Variants in BRINP3 observed in about 807,000 individuals in gnomAD.
The protein encoded by BRINP3 is BMP/retinoic acid-inducible neural-specific protein 3.
A neutral mutation model predicts 71.0 loss-of-function variants in BRINP3; 19 were observed. The ratio of observed to expected loss-of-function variants is 0.27; its 90% CI spans 0.19 to 0.39. The LOEUF is 0.39. BRINP3 is among the 10% of genes least tolerant of loss of function. The probability of loss-of-function intolerance (pLI) is 1.00; values close to 1 mark genes in which losing one functional copy is unlikely to be tolerated. For missense variants in BRINP3, 959 were observed against 940.8 expected (o/e 1.02, Z -0.25); for synonymous variants, 380 against 337.7 (o/e 1.13, Z -1.37).
Position 190,346,613 on chromosome 1 carries a change from T to C in BRINP3, c.237-64863A>G, listed in dbSNP as rs545344014. 3.9e-5 allele frequency among the ~76,000 whole-genome samples: 6 copies of C among 152,224 alleles called. No individual in the cohort carries two copies. In the South Asian group the frequency reaches 1.2e-3, roughly 32 times the overall value. ...ATCTGAGAAATCTAGCTAATCTCAC[T>C]TAATCTAGATCATTTTTTAATACAA... On this transcript the variant is annotated intron_variant, in intron 2 of 7. Coordinates refer to ENST00000367462, the MANE Select transcript of BRINP3 (RefSeq NM_199051.3).
intron 7 of BRINP3, among the ~76,000 whole-genome samples, chr1:190,120,106 A>C (rs1371909220): frequency 1.3e-5 from 2 of 148,756 alleles, no homozygotes; most frequent in African/African-American, 4.9e-5. Context: ...ACTACTTTCT[A>C]TGGGCATTCT....
At chr1:190,278,260 A>C (rs983825463) in intron 3 of BRINP3, among the ~76,000 whole-genome samples, 1 of 151,706 alleles carries the variant, frequency 6.6e-6, no homozygotes, top group Non-Finnish European at 1.5e-5. Flanking sequence ...GCTTTTTGTT[A>C]AAAAGGTTTG....
intron 6 of BRINP3, among the ~76,000 whole-genome samples, chr1:190,211,871 C>T (rs2102652392): frequency 6.6e-6 from 1 of 152,172 alleles, no homozygotes; most frequent in African/African-American, 2.4e-5. Context: ...ATATTTTAAA[C>T]ACTGGTACAG....
intron 1 of BRINP3, among the ~76,000 whole-genome samples, chr1:190,457,033 A>G (rs902898547): frequency 1.3e-4 from 20 of 152,200 alleles, no homozygotes; most frequent in African/African-American, 4.8e-4. Flanking sequence ...TGAAAATGAA[A>G]TCAGATTTTC....
chr1:190,227,624 A>G, intron 5 of BRINP3, among the ~76,000 whole-genome samples: 1 of 151,928 alleles, frequency 6.6e-6, no homozygotes, highest in East Asian at 1.9e-4. Flanking sequence ...AAAAGTAAAA[A>G]AACTTTTTAT....
At chr1:190,324,237 C>T (rs183818958) in intron 2 of BRINP3, among the ~76,000 whole-genome samples, 2 of 151,554 alleles carry the variant, frequency 1.3e-5, no homozygotes, top group Non-Finnish European at 3.0e-5. Context: ...TGTCTCGGAA[C>T]ACGAAAGCTC....
At chr1:190,153,437 C>T (rs1656593359) in intron 7 of BRINP3, among the ~76,000 whole-genome samples, 1 of 151,968 alleles carries the variant, frequency 6.6e-6, no homozygotes, top group Non-Finnish European at 1.5e-5. Context: ...TTCATATTTC[C>T]ATTTCTCAAT....
Position 190,454,870 on chromosome 1 carries a change from A to G in BRINP3, c.21T>C (p.Ala7=). 1 of 1,614,092 alleles carries G rather than the reference A, an allele frequency of 6.2e-7. No homozygotes were observed. The highest frequency in any genetic ancestry group is 8.5e-7 in the Non-Finnish European group (1 of 1,179,946). Residue 7 remains alanine (A), a synonymous_variant, in exon 2 of 8, where the codon GCT becomes GCC. Transcript: ENST00000367462. MIWRSR[A]GAELFSLMAL... ...CCATCAGAGAGAACAATTCAGCACC[A>G]GCTCTGCTTCGCCATATCATGCTTC...
intron 6 of BRINP3, among the ~76,000 whole-genome samples, chr1:190,200,054 C>A (rs566845419): frequency 2.6e-5 from 4 of 152,130 alleles, no homozygotes; most frequent in Admixed American, 2.0e-4. Flanking sequence ...AAGTGTTGAC[C>A]TTTTCAGAAG....
At chr1:190,190,307 A>G (rs1217046161) in intron 6 of BRINP3, among the ~76,000 whole-genome samples, 1 of 152,128 alleles carries the variant, frequency 6.6e-6, no homozygotes, top group Non-Finnish European at 1.5e-5. Flanking sequence ...CCAAGCAGAC[A>G]GCCTCCCGTT....
intron 2 of BRINP3, among the ~76,000 whole-genome samples, chr1:190,353,580 C>A (rs910511079): frequency 2.0e-5 from 3 of 151,998 alleles, no homozygotes; most frequent in Non-Finnish European, 2.9e-5. Flanking sequence ...TTTTGGCTAT[C>A]AAAGTTTCTT....
chr1:190,410,742 T>G (rs1345855292), intron 2 of BRINP3, among the ~76,000 whole-genome samples: 2 of 152,106 alleles, frequency 1.3e-5, no homozygotes, highest in African/African-American at 4.8e-5. Flanking sequence ...ATTAACAAAG[T>G]GCAATGCAGC....
intron 4 of BRINP3, among the ~76,000 whole-genome samples, chr1:190,263,683 A>G (rs1661395541): frequency 6.9e-6 from 1 of 145,580 alleles, no homozygotes; most frequent in African/African-American, 2.5e-5. Context: ...TCTGCCTCCC[A>G]GGTTCATGCC....
Position 190,425,181 on chromosome 1 carries a change from CAGA to C in BRINP3, c.236+29471_236+29473del, listed in dbSNP as rs556372793. ...AGTTTGAAGGTGATATTTTGGAGAA[CAGA>C]AGAAGGATATGAAACCTATGAACTA... On this transcript the variant is annotated intron_variant, in intron 2 of 7. Coordinates refer to ENST00000367462, the MANE Select transcript of BRINP3 (RefSeq NM_199051.3). Among the ~76,000 whole-genome samples, 5 of 151,518 alleles carry C rather than the reference CAGA, an allele frequency of 3.3e-5. No homozygotes were observed. The South Asian group carries it at 1.0e-3, about 31-fold the overall frequency.
intron 7 of BRINP3, among the ~76,000 whole-genome samples, chr1:190,099,383 C>T (rs759955692): frequency 2.8e-4 from 43 of 152,096 alleles, no homozygotes; most frequent in Admixed American, 5.2e-4. Context: ...TAGAGCTATA[C>T]TTGGTCTGAA....
chr1:190,392,276 T>C (rs1671300567), intron 2 of BRINP3, among the ~76,000 whole-genome samples: 1 of 151,720 alleles, frequency 6.6e-6, no homozygotes, highest in East Asian at 1.9e-4. Context: ...GTCAATAATA[T>C]AGATAATATC....
At chr1:190,174,689 G>A (rs1652336644) in intron 6 of BRINP3, among the ~76,000 whole-genome samples, 1 of 151,926 alleles carries the variant, frequency 6.6e-6, no homozygotes, top group African/African-American at 2.4e-5. Flanking sequence ...CAAAGAAAAA[G>A]GAATTTGTGA....
rs1315354224 is a variant in BRINP3 at position 190,281,664 on chromosome 1, A to T, written c.323T>A (p.Phe108Tyr). The stretch of plus-strand genomic sequence containing the variant: ...ACGTCCCAAAAGTCTTATGTTGCGG[A>T]AGAATTCAGGGGCAAGAGGCAGAGG... ...GSPLPLAPEF[F>Y]RNIRLLGRRP... The change falls in exon 3 of 8, where the codon TTC (phenylalanine) becomes TAC (tyrosine). Residue 108 changes from phenylalanine to tyrosine, a missense_variant. By Grantham distance (22) the Phe-to-Tyr change is conservative. Transcript: ENST00000367462. 8 of 1,612,926 alleles carry T rather than the reference A, an allele frequency of 5.0e-6. No individual in the cohort carries two copies. Among genetic ancestry groups the T allele is most frequent in the Non-Finnish European group, 5.9e-6 (7 of 1,179,390 alleles).
chr1:190,293,239 G>A (rs563731872), intron 2 of BRINP3, among the ~76,000 whole-genome samples: 38 of 151,900 alleles, frequency 2.5e-4, no homozygotes, highest in Non-Finnish European at 4.6e-4. Flanking sequence ...TGCATTTTAA[G>A]ACATTTTAAA....
Sources: gnomAD v4.1 joint callset for allele counts (sites outside exome capture counted in the v4.1 genomes callset) on GRCh38, gnomAD v4.1.1 for gene constraint, MANE v1.5 for transcripts, NCBI Gene and HGNC (gene_info 2026-07-23, HGNC 2026-07-21) for gene names.